The following ADAM8 variants were observed in gnomAD, a reference collection of about 807,000 sequenced individuals.
ADAM8 encodes disintegrin and metalloproteinase domain-containing protein 8.
A neutral mutation model predicts 102.4 loss-of-function variants in ADAM8; 104 were observed. That is an observed-to-expected ratio of 1.02 (90% CI 0.87 to 1.20). ADAM8 has a LOEUF of 1.20. Ranked by LOEUF, ADAM8 falls within the 50% of genes most tolerant of loss-of-function variation. The pLI is 0.00. For synonymous variants in ADAM8, 517 were observed against 485.2 expected (o/e 1.07, Z -0.86); for missense variants, 1,132 against 1,159.0 (o/e 0.98, Z 0.34).
rs1442860637 is a variant in ADAM8 at position 133,272,488 on chromosome 10, A to G, written c.803T>C (p.Leu268Pro). ...FHVSPDPSVT[L>P]ENLLTWQARQ... Reference sequence around the variant, plus strand: ...TGCCTGCCAGGTCAGGAGGTTCTCCAGTGTGACACTGGGGTCGGGGCTGAC... The same window carrying G: ...TGCCTGCCAGGTCAGGAGGTTCTCCGGTGTGACACTGGGGTCGGGGCTGAC... Residue 268 changes from leucine (L) to proline (P), a missense_variant, in exon 9 of 23, where the codon CTG becomes CCG. Transcript: ENST00000445355. The G allele has an allele frequency of 6.2e-7, 1 of 1,611,620 alleles. No individual in the cohort carries two copies. Among genetic ancestry groups the G allele is most frequent in the South Asian group, 1.1e-5 (1 of 91,046 alleles).
At chr10:133,270,657 C>A (rs1846489536) in intron 15 of ADAM8, 79 bp downstream of exon 15, 10 of 1,550,730 alleles carry the variant, frequency 6.4e-6, no homozygotes, top group Non-Finnish European at 8.8e-6. Flanking sequence ...GGGAGCAGGA[C>A]CCTTTGCAGA....
rs1052148802 is a variant in ADAM8, at chr10:133,263,000, C to T, written c.*156G>A. The T allele has an allele frequency of 1.1e-6, 1 of 892,342 alleles. No individual in the cohort carries two copies. The allele number at this position is 892,342 out of a possible 1,614,324, so 55.3% of individuals were successfully genotyped here. ...TGGCTGAGGGCGTGGACAGCAGGAG[C>T]CTCTCAGGTAGATGCATTCCTGAGG... On this transcript the variant is annotated 3_prime_UTR_variant, in exon 23 of 23. Coordinates refer to ENST00000445355, the MANE Select transcript of ADAM8 (RefSeq NM_001109.5).
At chr10:133,273,146 G>C in intron 6 of ADAM8, 108 bp downstream of exon 6, 1 of 1,583,946 alleles carries the variant, frequency 6.3e-7, no homozygotes, top group South Asian at 1.1e-5. Context: ...CCTGCTCCAG[G>C]CTGCAGACAA....
chr10:133,274,930 G>A (rs1280345391), intron 2 of ADAM8: 3 of 423,754 alleles, frequency 7.1e-6, no homozygotes, highest in Admixed American at 2.6e-5. Context: ...CAGCGGGCAG[G>A]TCGGTAGTAG....
intron 18 of ADAM8, 36 bp from the exon 19 acceptor site, chr10:133,268,898 CCG>C: frequency 4.4e-6 from 7 of 1,591,204 alleles, no homozygotes; most frequent in Non-Finnish European, 6.0e-6. Context: ...GGCAGGCAGG[CCG>C]CGACCTCAGG....
rs1846201290 is a variant in ADAM8, at chr10:133,262,779, A to T, written c.*377T>A. 1 of 227,252 alleles carries T rather than the reference A, an allele frequency of 4.4e-6. No individual in the cohort carries two copies. The highest frequency in any genetic ancestry group is 2.3e-5 in the African/African-American group (1 of 43,504). The allele number at this position is 227,252 out of a possible 1,614,324, so 14.1% of individuals were successfully genotyped here. A position where few individuals can be genotyped will look rare whatever the true frequency, so the allele number is the denominator to read the frequency against. On this transcript the variant is annotated 3_prime_UTR_variant, in exon 23 of 23. Transcript: ENST00000445355. ...CTGCCTGGAACCGGGTGCCCAGGGC[A>T]GCCGGCTCAGCAGGCCCCAGAGCAG...
Position 133,276,789 on chromosome 10 carries a change from C to T in ADAM8, c.29G>A (p.Gly10Asp). The change falls in exon 1 of 23, where the codon GGC (glycine) becomes GAC (aspartate). Residue 10 changes from glycine to aspartate, a missense_variant. Physicochemically the swap from Gly to Asp is moderately conservative, Grantham distance 94. Transcript: ENST00000445355. MRGLGLWLL[G>D]AMMLPAIAPS... ...CCACTCACCAGGCAGCATCATCGCG[C>T]CCAGCAGCCAGAGCCCGAGGCCGCG... The T allele has an allele frequency of 6.5e-7, 1 of 1,533,520 alleles. No homozygotes were observed. Among genetic ancestry groups the T allele is most frequent in the Non-Finnish European group, 8.8e-7 (1 of 1,142,458 alleles). The allele number at this position is 1,533,520 out of a possible 1,614,324, so 95.0% of individuals were successfully genotyped here.
At position 133,271,224 on chromosome 10, in the gene ADAM8, G is replaced by A. The variant is rs143338248; in HGVS notation, c.1350C>T (p.His450=). ...CCTTGCACTCCTGGCAGCAGGTACC[G>A]TGCGCACACTGGGCCCCCTCAGCCA... ...CQLAEGAQCA[H]GTCCQECKVK... is the part of the protein sequence containing the mutation. The change falls in exon 13 of 23, where the codon CAC becomes CAT. Residue 450 remains histidine (H), a synonymous_variant. Transcript: ENST00000445355. 1.7e-4 allele frequency: 279 copies of A among 1,611,880 alleles called. 5 individuals carry two copies. In the South Asian group the frequency reaches 1.9e-3, roughly 11 times the overall value.
At chr10:133,268,334 A>T (rs1365848314) in intron 19 of ADAM8, among the ~76,000 whole-genome samples, 1 of 152,130 alleles carries the variant, frequency 6.6e-6, no homozygotes, top group Non-Finnish European at 1.5e-5. Flanking sequence ...TGGGCGGGAG[A>T]TGCTTGGAGG....
In ADAM8 at chr10:133,268,070, G is replaced by T; in HGVS notation, c.2112C>A (p.His704Gln). The part of the protein sequence containing the change: ...TTMGRSNPLF[H>Q]QAASRVPAKG... ...TGGCCGGCACGCGGCTGGCAGCCTG[G>T]TGGAACAGGGGGTTGGAGCGCCCCA... The change falls in exon 20 of 23, where the codon CAC (histidine) becomes CAA (glutamine). Residue 704 changes from histidine (H) to glutamine (Q), a missense_variant. Transcript: ENST00000445355. 2 of 1,273,044 alleles carry T rather than the reference G, an allele frequency of 1.6e-6. No individual in the cohort carries two copies. The highest frequency in any genetic ancestry group is 7.6e-5 in the South Asian group (2 of 26,444). 78.9% of individuals were successfully genotyped at this position (1,273,044 alleles called of 1,614,324 possible). A position where few individuals can be genotyped will look rare whatever the true frequency, so the allele number is the denominator to read the frequency against.
chr10:133,269,672 C>G (rs376667171), intron 17 of ADAM8, 143 bp from the exon 18 acceptor site: 20 of 967,398 alleles, frequency 2.1e-5, no homozygotes, highest in East Asian at 1.6e-4. Context: ...ACGGCGAGGC[C>G]TCTCCATGTA....
chr10:133,271,409 T>A, intron 12 of ADAM8, 119 bp downstream of exon 12: 1 of 1,473,024 alleles, frequency 6.8e-7, no homozygotes, highest in Non-Finnish European at 9.1e-7. Flanking sequence ...CTGTGACCGC[T>A]CTGGACACCC....
chr10:133,267,956 C>G lies in ADAM8; in HGVS notation c.2226G>C (p.Ser742=), dbSNP rs374536208. 7.9e-7 allele frequency: 1 copy of G among 1,260,790 alleles called. No individual in the cohort carries two copies. Among genetic ancestry groups the G allele is most frequent in the Non-Finnish European group, 1.0e-6 (1 of 996,542 alleles). 78.1% of individuals were successfully genotyped at this position (1,260,790 alleles called of 1,614,324 possible). The change falls in exon 20 of 23, where the codon TCG becomes TCC. Residue 742 remains serine, a synonymous_variant. Coordinates refer to ENST00000445355, the MANE Select transcript of ADAM8 (RefSeq NM_001109.5). The part of the protein sequence containing the change: ...PGQPARHPAS[S]VALKRPPPAP... ...CAGGGGGCGGCCTCTTCAGAGCCACCGAGGAGGCCGGGTGTCGGGCGGGCT... is the reference window on the plus strand; with the variant it reads ...CAGGGGGCGGCCTCTTCAGAGCCACGGAGGAGGCCGGGTGTCGGGCGGGCT...
rs372729242 is a variant in ADAM8, at chr10:133,267,977, G to A, written c.2205C>T (p.Pro735=). The change falls in exon 20 of 23, where the codon CCC becomes CCT. Residue 735 remains proline (P), a synonymous_variant. Transcript: ENST00000445355. The part of the protein sequence containing the change: ...ELVPTTHPGQ[P]ARHPASSVAL... ...CCACCGAGGAGGCCGGGTGTCGGGC[G>A]GGCTGGCCCGGGTGGGTGGTGGGGA... 1.8e-5 allele frequency: 23 copies of A among 1,260,666 alleles called. No individual in the cohort carries two copies. The South Asian group carries it at 1.9e-4, about 11-fold the overall frequency. 78.1% of individuals were successfully genotyped at this position (1,260,666 alleles called of 1,614,324 possible).
At chr10:133,269,386 C>T in intron 18 of ADAM8, 59 bp downstream of exon 18, 1 of 1,427,474 alleles carries the variant, frequency 7.0e-7, no homozygotes. Context: ...TGCCTGGGCT[C>T]TGTTCGGGCC....
Position 133,276,764 on chromosome 10 carries a change from C to G in ADAM8, c.46+8G>C. On this transcript the variant is annotated splice_region_variant and intron_variant, in intron 1 of 22. Coordinates refer to ENST00000445355, the MANE Select transcript of ADAM8 (RefSeq NM_001109.5). ...CTGCGCCCGGGACGGTTCCCTGGAA[C>G]CACTCACCAGGCAGCATCATCGCGC... The G allele has an allele frequency of 3.9e-6, 6 of 1,534,220 alleles. No homozygotes were observed. The highest frequency in any genetic ancestry group is 5.3e-6 in the Non-Finnish European group (6 of 1,142,650).
chr10:133,264,852 C>T (rs1301659599), intron 21 of ADAM8, among the ~76,000 whole-genome samples: 1 of 148,124 alleles, frequency 6.8e-6, no homozygotes, highest in Non-Finnish European at 1.5e-5. Context: ...GCCTCTGCCC[C>T]ATCTACCTCC....
chr10:133,263,068 A>C lies in ADAM8; in HGVS notation c.*88T>G, dbSNP rs1418494579. ...CCTGCAAAGTCAGGGTCTAGGGCTG[A>C]GCGGCACTAGCTGGACCGTGGAATG... On this transcript the variant is annotated 3_prime_UTR_variant, in exon 23 of 23. Coordinates refer to ENST00000445355, the MANE Select transcript of ADAM8 (RefSeq NM_001109.5). The C allele has an allele frequency of 6.8e-7, 1 of 1,478,042 alleles. No homozygotes were observed. The highest frequency in any genetic ancestry group is 2.3e-5 in the East Asian group (1 of 44,170). 91.6% of individuals were successfully genotyped at this position (1,478,042 alleles called of 1,614,324 possible). A position where few individuals can be genotyped will look rare whatever the true frequency, so the allele number is the denominator to read the frequency against.
Position 133,270,718 on chromosome 10 carries a change from A to G in ADAM8, c.1634+18T>C. On this transcript the variant is annotated intron_variant, in intron 15 of 22. Transcript: ENST00000445355. ...TGGGAACAGCACATGTCCTGGGCCC[A>G]GGGCGGTCTCAGCTCACCTGTACCG... 3 of 1,489,998 alleles carry G rather than the reference A, an allele frequency of 2.0e-6. No homozygotes were observed. Among genetic ancestry groups the G allele is most frequent in the Non-Finnish European group, 2.7e-6 (3 of 1,122,394 alleles). 92.3% of individuals were successfully genotyped at this position (1,489,998 alleles called of 1,614,324 possible).
Sources: gnomAD v4.1 joint callset for allele counts (sites outside exome capture counted in the v4.1 genomes callset) on GRCh38, gnomAD v4.1.1 for gene constraint, MANE v1.5 for transcripts, NCBI Gene and HGNC (gene_info 2026-07-23, HGNC 2026-07-21) for gene names.